Variants in UNC13B observed in about 807,000 individuals in gnomAD.
UNC13B encodes unc-13 homolog B.
In UNC13B, 144 loss-of-function variants were observed where a neutral mutation model predicts 211.0. That is an observed-to-expected ratio of 0.68 (90% CI 0.60 to 0.78). The LOEUF (loss-of-function observed/expected upper bound fraction) is 0.78. Among genes scored for constraint, UNC13B ranks in the 30% least tolerant of loss-of-function variants. The probability of loss-of-function intolerance (pLI) is 0.00; values close to 1 mark genes in which losing one functional copy is unlikely to be tolerated. For missense variants in UNC13B, 1,777 were observed against 2,002.0 expected (o/e 0.89, Z 2.14); for synonymous variants, 709 against 725.8 (o/e 0.98, Z 0.37).
At chr9:35,296,651 T>G (rs1277816586) in intron 8 of UNC13B, among the ~76,000 whole-genome samples, 1 of 152,218 alleles carries the variant, frequency 6.6e-6, no homozygotes, top group Non-Finnish European at 1.5e-5. Flanking sequence ...CATAATTCAA[T>G]GAAAACCCAT....
At chr9:35,400,478 C>T in intron 37 of UNC13B, 35 bp downstream of exon 37, 1 of 1,597,704 alleles carries the variant, frequency 6.3e-7, no homozygotes, top group Non-Finnish European at 8.5e-7. Flanking sequence ...TCCACCTCTC[C>T]TCTCTGATAC....
At chr9:35,183,786 C>T (rs1282354237) in intron 1 of UNC13B, among the ~76,000 whole-genome samples, 4 of 139,220 alleles carry the variant, frequency 2.9e-5, no homozygotes, top group Non-Finnish European at 6.2e-5. Context: ...CAGGCAGAGG[C>T]GCTCCTCACA....
chr9:35,208,933 T>C (rs1823812006), intron 1 of UNC13B, among the ~76,000 whole-genome samples: 3 of 152,244 alleles, frequency 2.0e-5, no homozygotes, highest in Admixed American at 2.0e-4. Context: ...TTACAAAATC[T>C]GTTTTTCACT....
In UNC13B at chr9:35,306,214, C is replaced by T. The variant is rs1026679444; in HGVS notation, c.6810C>T (p.Ser2270=). The change falls in exon 9 of 40, where the codon AGC becomes AGT. Residue 2270 remains serine, a synonymous_variant. Transcript: ENST00000635942. The stretch of plus-strand genomic sequence containing the variant: ...AAAGTTCCAGTGGTCATAGAGATAG[C>T]ATAGCCCAAGAAGTAGTTCATGAAC... ...TRESSSGHRD[S]IAQEVVHEQQ... is the part of the protein sequence containing the mutation. The T allele has an allele frequency of 1.0e-5, 4 of 398,896 alleles. No homozygotes were observed. The highest frequency in any genetic ancestry group is 2.1e-5 in the African/African-American group (1 of 48,612). 24.7% of individuals were successfully genotyped at this position (398,896 alleles called of 1,614,324 possible).
In UNC13B at chr9:35,304,042, T is replaced by A. The variant is rs1829810898; in HGVS notation, c.4638T>A (p.Asp1546Glu). The change falls in exon 9 of 40, where the codon GAT becomes GAA. Residue 1546 changes from aspartate to glutamate, a missense_variant. Coordinates refer to ENST00000635942, the MANE Select transcript of UNC13B (RefSeq NM_001371189.2). The part of the protein sequence containing the change: ...DGQYIYSLLT[D>E]STGQYAYLFI... Reference sequence around the variant, plus strand: ...AATATATCTATTCTCTTCTCACTGATTCTACTGGGCAGTATGCATATTTAT... The same window carrying A: ...AATATATCTATTCTCTTCTCACTGAATCTACTGGGCAGTATGCATATTTAT... 2.5e-6 allele frequency: 1 copy of A among 398,710 alleles called. No homozygotes were observed. The highest frequency in any genetic ancestry group is 4.4e-6 in the Non-Finnish European group (1 of 225,894). The allele number at this position is 398,710 out of a possible 1,614,324, so 24.7% of individuals were successfully genotyped here.
At chr9:35,209,937 G>A (rs975355564) in intron 1 of UNC13B, among the ~76,000 whole-genome samples, 2 of 152,066 alleles carry the variant, frequency 1.3e-5, no homozygotes, top group South Asian at 4.2e-4. Flanking sequence ...TTAAGCACAC[G>A]GCAATAAGAA....
chr9:35,284,121 G>A (rs190987263), intron 7 of UNC13B, among the ~76,000 whole-genome samples: 7 of 152,178 alleles, frequency 4.6e-5, no homozygotes, highest in Non-Finnish European at 8.8e-5. Context: ...TTAGCCAGGC[G>A]TGGTGGCATG....
chr9:35,308,895 T>G (rs1220169506), intron 9 of UNC13B, among the ~76,000 whole-genome samples: 5 of 152,178 alleles, frequency 3.3e-5, no homozygotes, highest in Admixed American at 2.6e-4. Flanking sequence ...TGGCAATGAG[T>G]GTATTAAGCA....
At chr9:35,251,734 T>C (rs1826504229) in intron 6 of UNC13B, among the ~76,000 whole-genome samples, 1 of 152,180 alleles carries the variant, frequency 6.6e-6, no homozygotes, top group Non-Finnish European at 1.5e-5. Context: ...ATCCAATACC[T>C]AGTCTTTTCA....
chr9:35,376,048 A>G lies in UNC13B; in HGVS notation c.9636A>G (p.Lys3212=). The G allele has an allele frequency of 6.2e-7, 1 of 1,614,212 alleles. No individual in the cohort carries two copies. The highest frequency in any genetic ancestry group is 1.3e-5 in the African/African-American group (1 of 75,068). ...TTCAGAAATCCCACGTGTATAAGAA[A>G]ACCCTGCAGGCCTTAATCTACCCCA... ...DEELKSHVYK[K]TLQALIYPIS... The change falls in exon 15 of 40, where the codon AAA becomes AAG. Residue 3212 remains lysine, a synonymous_variant. Coordinates refer to ENST00000635942, the MANE Select transcript of UNC13B (RefSeq NM_001371189.2).
intron 6 of UNC13B, among the ~76,000 whole-genome samples, chr9:35,255,019 G>A (rs1410788000): frequency 1.7e-4 from 18 of 106,682 alleles, no homozygotes; most frequent in Middle Eastern, 4.6e-3. Flanking sequence ...ATTAATATAT[G>A]TATATATAAT....
chr9:35,377,112 A>C (rs1834470893), intron 15 of UNC13B, among the ~76,000 whole-genome samples: 1 of 152,216 alleles, frequency 6.6e-6, no homozygotes, highest in African/African-American at 2.4e-5. Context: ...GACATATAAA[A>C]GGGGACCAGG....
chr9:35,255,079 A>ATAT (rs1826794627), intron 6 of UNC13B, among the ~76,000 whole-genome samples: 1 of 123,442 alleles, frequency 8.1e-6, no homozygotes, highest in Non-Finnish European at 1.6e-5. Context: ...AATATAATAT[A>ATAT]TATATTATAT....
chr9:35,383,918 A>T (rs1432861594), intron 21 of UNC13B, among the ~76,000 whole-genome samples: 1 of 152,188 alleles, frequency 6.6e-6, no homozygotes, highest in Non-Finnish European at 1.5e-5. Context: ...GATAAGTTAC[A>T]GTCCCAAAGG....
chr9:35,294,318 T>A (rs1829243520), intron 7 of UNC13B, among the ~76,000 whole-genome samples: 1 of 152,138 alleles, frequency 6.6e-6, no homozygotes, highest in African/African-American at 2.4e-5. Context: ...TATCTTTTTT[T>A]TTTTTTGAGA....
At chr9:35,352,103 G>A (rs1832752366) in intron 11 of UNC13B, 2 of 1,232,242 alleles carry the variant, frequency 1.6e-6, no homozygotes, top group Non-Finnish European at 1.0e-6. Context: ...AGGCTTACAG[G>A]TGAGCACCTG....
chr9:35,238,536 C>T (rs1825636518), intron 5 of UNC13B, among the ~76,000 whole-genome samples: 1 of 151,950 alleles, frequency 6.6e-6, no homozygotes, highest in African/African-American at 2.4e-5. Flanking sequence ...TGAACAGATG[C>T]CTCTACCATA....
At position 35,380,656 on chromosome 9, in the gene UNC13B, C is replaced by T. The variant is rs113358709; in HGVS notation, c.10375+17C>T. 4.4e-3 allele frequency: 7,170 copies of T among 1,613,804 alleles called. 258 individuals carry two copies. In the African/African-American group the frequency reaches 0.082, roughly 19 times the overall value. On this transcript the variant is annotated intron_variant, in intron 18 of 39. Transcript: ENST00000635942. Reference sequence around the variant, plus strand: ...ACAACTTGGGTGAGGAAACTGGACCCGAGAAAGTTGCTTGGAAGGGAAAGC... The same window carrying T: ...ACAACTTGGGTGAGGAAACTGGACCTGAGAAAGTTGCTTGGAAGGGAAAGC...
chr9:35,213,624 T>G (rs1824092833), intron 1 of UNC13B, among the ~76,000 whole-genome samples: 1 of 152,170 alleles, frequency 6.6e-6, no homozygotes, highest in African/African-American at 2.4e-5. Context: ...AGATCCTTGC[T>G]TCCATAAAGC....
Sources: allele counts gnomAD v4.1 joint callset (sites outside exome capture counted in the v4.1 genomes callset), GRCh38; gene constraint gnomAD v4.1.1; transcripts MANE v1.5; gene names NCBI Gene and HGNC (gene_info 2026-07-23, HGNC 2026-07-21).